The following TTC6 variants were observed in gnomAD, a reference collection of about 807,000 sequenced individuals.
TTC6 encodes tetratricopeptide repeat domain 6, also known as tetratricopeptide repeat protein 6.
A neutral mutation model predicts 210.4 loss-of-function variants in TTC6; 172 were observed. The ratio of observed to expected loss-of-function variants is 0.82; its 90% CI spans 0.72 to 0.93. TTC6 has a LOEUF of 0.93. Among genes scored for constraint, TTC6 ranks in the 40% least tolerant of loss-of-function variants. TTC6 has a pLI of 0.00. For synonymous variants in TTC6, 804 were observed against 819.6 expected (o/e 0.98, Z 0.32); for missense variants, 2,414 against 2,318.1 (o/e 1.04, Z -0.85).
chr14:37,637,058 CTGG>C (rs1167628080), intron 1 of TTC6, among the ~76,000 whole-genome samples: 5 of 152,012 alleles, frequency 3.3e-5, no homozygotes, highest in African/African-American at 1.2e-4. Flanking sequence ...ACAAATGGTT[CTGG>C]AACTAGTAGA....
At chr14:37,599,605 C>A (rs2095611490) in intron 1 of TTC6, among the ~76,000 whole-genome samples, 1 of 152,204 alleles carries the variant, frequency 6.6e-6, no homozygotes, top group African/African-American at 2.4e-5. Flanking sequence ...AGCCGGATGT[C>A]GGAGCCGGAG....
chr14:37,648,733 C>T (rs2095706014), intron 1 of TTC6, among the ~76,000 whole-genome samples: 1 of 152,098 alleles, frequency 6.6e-6, no homozygotes, highest in Non-Finnish European at 1.5e-5. Context: ...TTAATGATTA[C>T]TAATTTATTC....
chr14:37,722,522 AT>A (rs1365351748), intron 6 of TTC6, among the ~76,000 whole-genome samples: 1 of 152,020 alleles, frequency 6.6e-6, no homozygotes, highest in Admixed American at 6.6e-5. Context: ...TAATTTTTAA[AT>A]TTTTTTGTAG....
At chr14:37,809,557 G>A (rs562462733) in intron 24 of TTC6, among the ~76,000 whole-genome samples, 1 of 152,152 alleles carries the variant, frequency 6.6e-6, no homozygotes, top group African/African-American at 2.4e-5. Flanking sequence ...GCAATATTGT[G>A]GTTTCAAAAT....
At chr14:37,773,269 A>T (rs953813732) in intron 14 of TTC6, among the ~76,000 whole-genome samples, 1 of 152,096 alleles carries the variant, frequency 6.6e-6, no homozygotes, top group Non-Finnish European at 1.5e-5. Flanking sequence ...TCTTTAGTTT[A>T]ATTAGGTCCC....
intron 6 of TTC6, among the ~76,000 whole-genome samples, chr14:37,719,016 CA>C (rs201218407): frequency 2.0e-5 from 3 of 151,520 alleles, no homozygotes; most frequent in East Asian, 1.9e-4. Flanking sequence ...TGACAAGATA[CA>C]AAAAAAACCA....
chr14:37,729,311 C>G (rs1282125717), intron 7 of TTC6, among the ~76,000 whole-genome samples: 1 of 152,154 alleles, frequency 6.6e-6, no homozygotes, highest in East Asian at 1.9e-4. Context: ...TGCCTTCATG[C>G]AGAAGATTGG....
chr14:37,676,228 G>T (rs2095769041), intron 1 of TTC6, among the ~76,000 whole-genome samples: 1 of 152,084 alleles, frequency 6.6e-6, no homozygotes, highest in African/African-American at 2.4e-5. Context: ...CAGAGATAGT[G>T]GGGTGGCCAG....
At chr14:37,709,124 G>A (rs1034292550) in intron 5 of TTC6, among the ~76,000 whole-genome samples, 3 of 151,926 alleles carry the variant, frequency 2.0e-5, no homozygotes, top group Admixed American at 1.3e-4. Context: ...CAATGATCAG[G>A]TCTAATCCTG....
chr14:37,782,926 A>G (rs1297736647), intron 14 of TTC6, among the ~76,000 whole-genome samples: 5 of 152,220 alleles, frequency 3.3e-5, no homozygotes, highest in African/African-American at 7.2e-5. Flanking sequence ...ATGCTGGATT[A>G]CATTTATTGA....
chr14:37,724,460 G>A (rs2095867720), intron 6 of TTC6, among the ~76,000 whole-genome samples: 1 of 152,024 alleles, frequency 6.6e-6, no homozygotes, highest in South Asian at 2.1e-4. Flanking sequence ...GTGTTTTATA[G>A]TGTTTATGAG....
chr14:37,702,206 T>C lies in TTC6; in HGVS notation c.1571+680T>C, dbSNP rs140652502. On this transcript the variant is annotated intron_variant, in intron 5 of 30. Transcript: ENST00000553443. Reference sequence around the variant, plus strand: ...AATTTCCATTTTATTCATGAAGAAATTTAGGGTTCGTGATACCAGGTTACT... The same window carrying C: ...AATTTCCATTTTATTCATGAAGAAACTTAGGGTTCGTGATACCAGGTTACT... Among the ~76,000 whole-genome samples the C allele has an allele frequency of 5.1e-4, 78 of 152,206 alleles. 2 individuals carry two copies. The East Asian group carries it at 0.014, about 28-fold the overall frequency.
intron 29 of TTC6, among the ~76,000 whole-genome samples, chr14:37,832,673 A>G (rs949642650): frequency 3.3e-5 from 5 of 152,152 alleles, no homozygotes; most frequent in Admixed American, 2.6e-4. Flanking sequence ...CTGAGAAGAT[A>G]CTTGATATGA....
At chr14:37,815,897 TAGAG>T (rs1329012795) in intron 25 of TTC6, among the ~76,000 whole-genome samples, 1 of 152,072 alleles carries the variant, frequency 6.6e-6, no homozygotes, top group Non-Finnish European at 1.5e-5. Flanking sequence ...TGATTATATA[TAGAG>T]AGTCAAGTTC....
chr14:37,686,811 G>T (rs890325602), intron 3 of TTC6, among the ~76,000 whole-genome samples: 5 of 152,190 alleles, frequency 3.3e-5, no homozygotes, highest in African/African-American at 1.2e-4. Flanking sequence ...CTCCCACTGG[G>T]TCTCTCACAC....
intron 26 of TTC6, among the ~76,000 whole-genome samples, chr14:37,822,395 A>G (rs929499033): frequency 6.6e-6 from 1 of 152,218 alleles, no homozygotes; most frequent in Non-Finnish European, 1.5e-5. Flanking sequence ...CCTCTAGAAG[A>G]TGATAATTTC....
chr14:37,820,884 C>CTCCTCCTT (rs1566973648), intron 26 of TTC6, among the ~76,000 whole-genome samples: 1 of 144,986 alleles, frequency 6.9e-6, no homozygotes, highest in Non-Finnish European at 1.5e-5. Flanking sequence ...TTCTCCTCCT[C>CTCCTCCTT]CTTCTCCTCC....
chr14:37,808,770 T>C, exon 24 of TTC6: 1 of 1,524,460 alleles, frequency 6.6e-7, no homozygotes, highest in Non-Finnish European at 8.8e-7. Flanking sequence ...ACTACAGCTA[T>C]CAGCATGGAC....
At chr14:37,837,209 C>A in intron 29 of TTC6, 2 of 244,560 alleles carry the variant, frequency 8.2e-6, no homozygotes, top group South Asian at 4.0e-5. Context: ...TTTCTCTTAC[C>A]TGAGAAAAAG....
Sources: gnomAD v4.1 joint callset for allele counts (sites outside exome capture counted in the v4.1 genomes callset) on GRCh38, gnomAD v4.1.1 for gene constraint, MANE v1.5 for transcripts, NCBI Gene and HGNC (gene_info 2026-07-23, HGNC 2026-07-21) for gene names.